Variants in RANBP2 observed in about 807,000 individuals in gnomAD.
RANBP2 encodes RAN binding protein 2.
RANBP2 carries 57 observed loss-of-function variants against 303.6 expected under a neutral mutation model. The ratio of observed to expected loss-of-function variants is 0.19; its 90% confidence interval spans 0.15 to 0.23. The LOEUF is 0.23. Ranked by LOEUF, RANBP2 falls within the 10% of genes least tolerant of loss-of-function variation. The pLI, the probability that RANBP2 is intolerant of heterozygous loss-of-function variation, is 1.00. For missense variants in RANBP2, 3,138 were observed against 3,780.8 expected, an observed-to-expected ratio of 0.83 and a Z score of 4.46; for synonymous variants, 1,167 against 1,301.5, an observed-to-expected ratio of 0.90 and a Z score of 2.23.
the RANBP2 span, among the ~76,000 whole-genome samples, chr2:108,835,039 A>G: frequency 1.3e-5 from 2 of 152,242 alleles, no homozygotes; most frequent in Non-Finnish European, 2.9e-5. Flanking sequence ...TTGAGATTCA[A>G]ATAATGCTGC....
At chr2:109,101,492 C>T in the RANBP2 span, among the ~76,000 whole-genome samples, 3 of 152,104 alleles carry the variant, frequency 2.0e-5, no homozygotes, top group Non-Finnish European at 2.9e-5. Context: ...CACCCCAATG[C>T]ACTCCAGCCT....
intron 1 of RANBP2, among the ~76,000 whole-genome samples, chr2:108,726,569 G>A (rs1694728981): frequency 6.6e-6 from 1 of 151,814 alleles, no homozygotes; most frequent in Non-Finnish European, 1.5e-5. Flanking sequence ...AGGTTGGCTG[G>A]CATCTTGTCC....
the RANBP2 span, among the ~76,000 whole-genome samples, chr2:109,323,490 A>G: frequency 6.6e-6 from 1 of 152,236 alleles, no homozygotes; most frequent in African/African-American, 2.4e-5. Context: ...ATTCTCTGTT[A>G]GTGATTGGTA....
chr2:108,871,290 T>C, the RANBP2 span, among the ~76,000 whole-genome samples: 39 of 150,788 alleles, frequency 2.6e-4, 1 homozygote, highest in Non-Finnish European at 4.6e-4. Context: ...CCCAGCACTT[T>C]GGGAGGCTGA....
At chr2:109,082,880 C>T in the RANBP2 span, among the ~76,000 whole-genome samples, 1 of 145,562 alleles carries the variant, frequency 6.9e-6, no homozygotes, top group African/African-American at 2.5e-5. Context: ...GGCTGGAGTG[C>T]AGTGGCGCCA....
the RANBP2 span, among the ~76,000 whole-genome samples, chr2:109,121,626 C>A: frequency 6.6e-6 from 1 of 152,280 alleles, no homozygotes; most frequent in South Asian, 2.1e-4. Flanking sequence ...GATGAGACCC[C>A]CTGCTACACG....
chr2:109,771,362 G>T, the RANBP2 span, among the ~76,000 whole-genome samples: 15 of 83,596 alleles, frequency 1.8e-4, 3 homozygotes, highest in African/African-American at 9.8e-4. Flanking sequence ...GATAAAGTCC[G>T]TTCTGCCTGA....
At chr2:109,291,494 G>C in the RANBP2 span, among the ~76,000 whole-genome samples, 3 of 152,152 alleles carry the variant, frequency 2.0e-5, no homozygotes, top group Non-Finnish European at 1.5e-5. Context: ...AGGGGCCTTC[G>C]GGCACGTGCT....
the RANBP2 span, among the ~76,000 whole-genome samples, chr2:109,681,848 C>CT: frequency 6.6e-6 from 1 of 152,266 alleles, no homozygotes; most frequent in Non-Finnish European, 1.5e-5. Flanking sequence ...GCTCTTCCCG[C>CT]TCAGCGGAGA....
At chr2:108,948,344 T>C in the RANBP2 span, among the ~76,000 whole-genome samples, 1 of 152,340 alleles carries the variant, frequency 6.6e-6, no homozygotes, top group Admixed American at 6.5e-5. Context: ...TCTTCTGAGC[T>C]TTCCAAACTA....
At chr2:109,382,721 C>G in the RANBP2 span, among the ~76,000 whole-genome samples, 20 of 152,220 alleles carry the variant, frequency 1.3e-4, no homozygotes, top group Non-Finnish European at 2.2e-4. Flanking sequence ...CTCCATTCTC[C>G]TGGCGAGAGA....
the RANBP2 span, chr2:109,129,643 G>A: frequency 2.4e-4 from 355 of 1,499,332 alleles, 2 homozygotes; most frequent in Middle Eastern, 1.7e-3. Flanking sequence ...GCGGCGTCGG[G>A]CGGCGGCCAC....
chr2:108,948,886 G>C, the RANBP2 span, among the ~76,000 whole-genome samples: 2 of 152,140 alleles, frequency 1.3e-5, no homozygotes, highest in Non-Finnish European at 2.9e-5. Flanking sequence ...GGGATGCCGA[G>C]GCAGGATGAT....
chr2:109,188,931 A>G, the RANBP2 span, among the ~76,000 whole-genome samples: 1 of 151,774 alleles, frequency 6.6e-6, no homozygotes, highest in African/African-American at 2.4e-5. Flanking sequence ...TCTTTGTTTA[A>G]TTAAAAAAAA....
chr2:109,426,504 C>A, the RANBP2 span, among the ~76,000 whole-genome samples: 68,347 of 152,020 alleles, frequency 0.45, 15,550 homozygotes, highest in East Asian at 0.51. Context: ...GAAGATGTAA[C>A]TGAATTGCTG....
the RANBP2 span, among the ~76,000 whole-genome samples, chr2:109,032,271 G>A: frequency 2.0e-5 from 3 of 152,018 alleles, no homozygotes; most frequent in African/African-American, 4.8e-5. Flanking sequence ...GCATTTTCCG[G>A]AGTGAACTTC....
the RANBP2 span, among the ~76,000 whole-genome samples, chr2:109,249,038 T>C: frequency 6.6e-6 from 1 of 152,144 alleles, no homozygotes; most frequent in East Asian, 1.9e-4. Flanking sequence ...CATGCCACCA[T>C]GCCCAGCTAA....
chr2:108,967,495 T>TAAAA, the RANBP2 span, among the ~76,000 whole-genome samples: 3 of 152,082 alleles, frequency 2.0e-5, no homozygotes, highest in Admixed American at 6.6e-5. Flanking sequence ...CCTACTTGTC[T>TAAAA]TTTTATCCTT....
intron 23 of RANBP2, 88 bp from the exon 24 acceptor site, chr2:108,775,644 T>C: frequency 7.0e-7 from 1 of 1,420,662 alleles, no homozygotes; most frequent in Non-Finnish European, 9.8e-7. Context: ...GAAGCCCAAG[T>C]TCTCAATTCC....
Sources: gnomAD v4.1 joint callset for allele counts (sites outside exome capture counted in the v4.1 genomes callset) on GRCh38, gnomAD v4.1.1 for gene constraint, MANE v1.5 for transcripts, NCBI Gene and HGNC (gene_info 2026-07-23, HGNC 2026-07-21) for gene names.